ATP5F1A: variants seen among roughly 807,000 people sequenced by gnomAD.
ATP5F1A encodes ATP synthase F(1) complex subunit alpha, mitochondrial.
In ATP5F1A, 24 loss-of-function variants were observed where a neutral mutation model predicts 57.4. The ratio of observed to expected loss-of-function variants is 0.42; its 90% confidence interval spans 0.30 to 0.59. The LOEUF (loss-of-function observed/expected upper bound fraction) is 0.59. Ranked by LOEUF, ATP5F1A falls within the 20% of genes least tolerant of loss-of-function variation. The pLI is 0.19. For synonymous variants in ATP5F1A, 251 were observed against 255.5 expected (o/e 0.98, Z 0.17); for missense variants, 494 against 707.9 (o/e 0.70, Z 3.43).
In ATP5F1A at chr18:46,080,880, A is replaced by C. The variant is rs1251480245; in HGVS notation, c.*3402T>G. On this transcript the variant is annotated 3_prime_UTR_variant, in exon 12 of 12. Transcript: ENST00000398752. ...CACAGTGGCTCACGCCTGTAATCCC[A>C]GCACTTTAGGAGGTCGAGGCACGTG... is the stretch of plus-strand genomic sequence containing the variant. 1 of 151,760 alleles carries C rather than the reference A, an allele frequency of 6.6e-6. No individual in the cohort carries two copies. The highest frequency in any genetic ancestry group is 1.5e-5 in the Non-Finnish European group (1 of 67,950). The allele number at this position is 151,760 out of a possible 1,614,324, so 9.4% of individuals were successfully genotyped here.
chr18:46,102,854 G>A (rs1221720239), upstream of ATP5F1A, among the ~76,000 whole-genome samples: 2 of 152,052 alleles, frequency 1.3e-5, no homozygotes, highest in Non-Finnish European at 2.9e-5. Flanking sequence ...AGGCTGAAGC[G>A]GGAGGATTGC....
chr18:46,099,831 A>G (rs958491941), upstream of ATP5F1A, among the ~76,000 whole-genome samples: 9 of 152,232 alleles, frequency 5.9e-5, no homozygotes, highest in Non-Finnish European at 1.0e-4. Flanking sequence ...CCGGGCTACA[A>G]GGGTCATCTC....
chr18:46,089,946 T>G lies in ATP5F1A; in HGVS notation c.360A>C (p.Gly120=). 6.2e-7 allele frequency: 1 copy of G among 1,612,612 alleles called. No individual in the cohort carries two copies. The highest frequency in any genetic ancestry group is 8.5e-7 in the Non-Finnish European group (1 of 1,179,484). Residue 120 remains glycine, a synonymous_variant, in exon 4 of 12, where the codon GGA becomes GGC. Transcript: ENST00000398752. ...EPDNVGVVVF[G]NDKLIKEGDI... ...CTCCTTCCTTAATTAGTTTATCATT[T>G]CCAAACACGACAACACCAACATTGT...
intron 9 of ATP5F1A, 54 bp from the exon 10 acceptor site, chr18:46,086,311 AT>A: frequency 6.3e-7 from 1 of 1,597,260 alleles, no homozygotes; most frequent in Non-Finnish European, 8.6e-7. Context: ...CACTATACAA[AT>A]ATAGTTAATA....
In ATP5F1A at chr18:46,082,403, AG is replaced by A; in HGVS notation, c.*1878del. The A allele has an allele frequency of 7.9e-6, 1 of 126,344 alleles. No homozygotes were observed. The highest frequency in any genetic ancestry group is 2.3e-4 in the East Asian group (1 of 4,388). The allele number at this position is 126,344 out of a possible 1,614,324, so 7.8% of individuals were successfully genotyped here. On this transcript the variant is annotated 3_prime_UTR_variant, in exon 12 of 12. Transcript: ENST00000398752. ...ACTCCGTCTCAAAAAAAAAAAAAAA[AG>A]GCCAGGTGTGGTGGCTCACACCTGT...
chr18:46,089,090 C>A (rs1035078132), intron 5 of ATP5F1A, among the ~76,000 whole-genome samples: 1 of 152,036 alleles, frequency 6.6e-6, no homozygotes, highest in African/African-American at 2.4e-5. Context: ...CTGCCACATC[C>A]CCCACACCGA....
chr18:46,100,509 C>T (rs1911245579), upstream of ATP5F1A, among the ~76,000 whole-genome samples: 1 of 151,888 alleles, frequency 6.6e-6, no homozygotes, highest in Non-Finnish European at 1.5e-5. Flanking sequence ...CGTTGGGAAG[C>T]CAAGATGAGA....
upstream of ATP5F1A, among the ~76,000 whole-genome samples, chr18:46,098,896 T>C (rs897059006): frequency 6.6e-6 from 1 of 152,180 alleles, no homozygotes; most frequent in African/African-American, 2.4e-5. Context: ...TTAGATTCAT[T>C]CTAAAAGAAT....
rs746260834 is a variant in ATP5F1A at position 46,084,615 on chromosome 18, G to A, written c.1469C>T (p.Ala490Val). ...TTTATCAAGATATCCCCTTACACCC[G>A]CATAGATAACAGCCACTTGTTCTTC... is the stretch of plus-strand genomic sequence containing the variant. ...AIEEQVAVIY[A>V]GVRGYLDKLE... is the part of the protein sequence containing the mutation. The change falls in exon 11 of 12, where the codon GCG becomes GTG. Residue 490 changes from alanine to valine, a missense_variant. By Grantham distance (64) the Ala-to-Val change is moderately conservative. Around this residue, in one of 6 missense-constraint regions of ATP5F1A, gnomAD observed 127 missense variants for 195.2 expected, o/e 0.65. Transcript: ENST00000398752. The A allele has an allele frequency of 1.3e-5, 20 of 1,599,630 alleles. No individual in the cohort carries two copies. Among genetic ancestry groups the A allele is most frequent in the East Asian group, 2.2e-5 (1 of 44,568 alleles).
rs1555694170 is a variant in ATP5F1A, at chr18:46,081,683, A to AAAC, written c.*2598_*2599insGTT. Reference sequence around the variant, plus strand: ...CTCAAAAAAAAAAAACAAAAAAAAAAAAAAAAAAAAAAAACGAAATGTGCA... The same window carrying AAAC: ...CTCAAAAAAAAAAAACAAAAAAAAAAAACAAAAAAAAAAAAAACGAAATGTGCA... On this transcript the variant is annotated 3_prime_UTR_variant, in exon 12 of 12. Transcript: ENST00000398752. 2.2e-3 allele frequency: 145 copies of AAAC among 67,018 alleles called. 3 individuals carry two copies. The highest frequency in any genetic ancestry group is 6.9e-3 in the African/African-American group (140 of 20,220). 4.2% of individuals were successfully genotyped at this position (67,018 alleles called of 1,614,324 possible).
At chr18:46,101,314 TA>T (rs1045396542), upstream of ATP5F1A, among the ~76,000 whole-genome samples, 1 of 145,676 alleles carries the variant, frequency 6.9e-6, no homozygotes, top group Non-Finnish European at 1.5e-5. Flanking sequence ...CATGTAATCC[TA>T]GCACATTGGG....
chr18:46,088,289 C>G (rs1349418207), intron 5 of ATP5F1A, 32 bp from the exon 6 acceptor site: 8 of 1,541,482 alleles, frequency 5.2e-6, no homozygotes, highest in Non-Finnish European at 7.0e-6. Context: ...ATAAATCTTC[C>G]TAAACTTAAA....
At chr18:46,088,045 T>C (rs1263967118) in intron 6 of ATP5F1A, 64 bp downstream of exon 6, 2 of 1,533,014 alleles carry the variant, frequency 1.3e-6, no homozygotes, top group South Asian at 2.4e-5. Context: ...AAGTAGAAGC[T>C]ATTCTACAAT....
chr18:46,098,473 G>A (rs767385857), upstream of ATP5F1A: 33 of 1,259,310 alleles, frequency 2.6e-5, no homozygotes, highest in Non-Finnish European at 3.0e-5. Flanking sequence ...GATATATTCC[G>A]GCTTTGGTCC....
chr18:46,088,076 A>G (rs993037271), intron 6 of ATP5F1A, 33 bp downstream of exon 6: 4 of 1,582,952 alleles, frequency 2.5e-6, no homozygotes, highest in African/African-American at 2.7e-5. Flanking sequence ...GGGACTTAAG[A>G]TAATAGCAAT....
At chr18:46,090,426 T>G (rs528058293) in intron 3 of ATP5F1A, among the ~76,000 whole-genome samples, 3 of 152,278 alleles carry the variant, frequency 2.0e-5, no homozygotes, top group African/African-American at 7.2e-5. Flanking sequence ...ATAAACAGTT[T>G]CAAAAATTAA....
intron 2 of ATP5F1A, 27 bp downstream of exon 2, chr18:46,095,026 G>A (rs372098285): frequency 3.0e-5 from 48 of 1,602,486 alleles, no homozygotes; most frequent in East Asian, 6.7e-5. Context: ...TAGTAAGTGC[G>A]GCGTAGACTG....
intron 2 of ATP5F1A, among the ~76,000 whole-genome samples, chr18:46,094,421 C>G (rs1204897982): frequency 1.3e-5 from 2 of 152,140 alleles, no homozygotes; most frequent in Non-Finnish European, 2.9e-5. Context: ...TTAATCCCAG[C>G]ACTTTGGGAG....
chr18:46,089,772 T>C, intron 4 of ATP5F1A, 40 bp from the exon 5 acceptor site: 1 of 1,610,922 alleles, frequency 6.2e-7, no homozygotes, highest in Non-Finnish European at 8.5e-7. Flanking sequence ...GCATAATCAG[T>C]TTTGATGTTT....
Sources: allele counts gnomAD v4.1 joint callset (sites outside exome capture counted in the v4.1 genomes callset), GRCh38; gene constraint gnomAD v4.1.1; regional missense constraint gnomAD v4.1.1; transcripts MANE v1.5; gene names NCBI Gene and HGNC (gene_info 2026-07-23, HGNC 2026-07-21).